Variants in NPAS2 observed in about 807,000 individuals in gnomAD.
The protein encoded by NPAS2 is neuronal PAS domain-containing protein 2.
A neutral mutation model predicts 107.5 loss-of-function variants in NPAS2; 23 were observed. The observed-to-expected ratio is 0.21, with a 90% CI of 0.15 to 0.30. NPAS2 has a LOEUF of 0.30. Ranked by LOEUF, NPAS2 falls within the 10% of genes least tolerant of loss-of-function variation. NPAS2 has a pLI of 1.00. For missense variants in NPAS2, 756 were observed against 1,043.3 expected (o/e 0.72, Z 3.79); for synonymous variants, 403 against 417.5 (o/e 0.97, Z 0.42).
chr2:100,982,676 A>G (rs1677525918), intron 16 of NPAS2: 2 of 418,108 alleles, frequency 4.8e-6, no homozygotes, highest in Admixed American at 8.0e-5. Flanking sequence ...ATTGCCCTGC[A>G]TGGATGCCTG....
chr2:100,984,010 T>C (rs551946337), intron 16 of NPAS2: 1 of 152,370 alleles, frequency 6.6e-6, no homozygotes, highest in East Asian at 1.9e-4. Context: ...AGCAAGGTTA[T>C]CGCTTTCACT....
intron 5 of NPAS2, among the ~76,000 whole-genome samples, 163 bp downstream of exon 5, chr2:100,938,005 G>T (rs1305412931): frequency 2.6e-5 from 4 of 152,342 alleles, no homozygotes; most frequent in Admixed American, 2.6e-4. Context: ...CCAGGCCGAG[G>T]TCAAGGTCCC....
chr2:100,939,319 T>C (rs1433431920), intron 5 of NPAS2, among the ~76,000 whole-genome samples: 4 of 152,086 alleles, frequency 2.6e-5, no homozygotes, highest in South Asian at 4.1e-4. Context: ...TGTCTCCCCT[T>C]TGTGTTCCAG....
intron 1 of NPAS2, among the ~76,000 whole-genome samples, chr2:100,863,045 G>A (rs959143187): frequency 3.3e-5 from 5 of 152,194 alleles, no homozygotes; most frequent in African/African-American, 9.7e-5. Flanking sequence ...GCCTTAGCCC[G>A]TGCACAGCAG....
intron 2 of NPAS2, among the ~76,000 whole-genome samples, chr2:100,919,713 T>A (rs1573621024): frequency 6.6e-6 from 1 of 152,182 alleles, no homozygotes; most frequent in African/African-American, 2.4e-5. Context: ...CTCCCCACCC[T>A]ATCCTTTCCT....
intron 1 of NPAS2, among the ~76,000 whole-genome samples, chr2:100,891,925 T>C (rs1681094885): frequency 6.6e-6 from 1 of 152,226 alleles, no homozygotes; most frequent in East Asian, 1.9e-4. Context: ...TCATTTCGGC[T>C]TGTCTGTGGC....
At position 100,824,336 on chromosome 2, in the gene NPAS2, T is replaced by C. The variant is rs75656425; in HGVS notation, c.-23+3922T>C. Among the ~76,000 whole-genome samples the C allele has an allele frequency of 9.8e-3, 1,499 of 152,328 alleles. 57 individuals are homozygous for C. In the East Asian group the frequency reaches 0.13, roughly 13 times the overall value. On this transcript the variant is annotated intron_variant, in intron 1 of 20. Coordinates refer to ENST00000335681, the MANE Select transcript of NPAS2 (RefSeq NM_002518.4). Reference sequence around the variant, plus strand: ...TCCACCCTCTCCTGCAGTCCCTGGCTTCTGGTTTGCTTTGTTGATAGCCCT... The same window carrying C: ...TCCACCCTCTCCTGCAGTCCCTGGCCTCTGGTTTGCTTTGTTGATAGCCCT...
At chr2:100,856,875 A>G (rs1678605475) in intron 1 of NPAS2, among the ~76,000 whole-genome samples, 1 of 152,234 alleles carries the variant, frequency 6.6e-6, no homozygotes, top group African/African-American at 2.4e-5. Flanking sequence ...TAAAAATTTC[A>G]GAGCAGGTAG....
At chr2:100,927,584 G>A (rs1201343100) in intron 3 of NPAS2, among the ~76,000 whole-genome samples, 2 of 152,240 alleles carry the variant, frequency 1.3e-5, no homozygotes, top group African/African-American at 4.8e-5. Context: ...GCTTTTGCCT[G>A]TTGGAACCTT....
intron 15 of NPAS2, among the ~76,000 whole-genome samples, chr2:100,978,526 AAAAG>A (rs137857480): frequency 0.25 from 37,725 of 151,508 alleles, 5,296 homozygotes; most frequent in African/African-American, 0.38. Context: ...TGTTTAAAAA[AAAAG>A]AAAGAAAGAA....
intron 1 of NPAS2, among the ~76,000 whole-genome samples, chr2:100,858,559 G>T (rs1444757686): frequency 6.6e-6 from 1 of 152,164 alleles, no homozygotes; most frequent in East Asian, 1.9e-4. Context: ...ATGTGGTGGG[G>T]CTGGAAGAGT....
At chr2:100,940,064 A>T (rs1420123870) in intron 5 of NPAS2, among the ~76,000 whole-genome samples, 1 of 152,220 alleles carries the variant, frequency 6.6e-6, no homozygotes, top group Non-Finnish European at 1.5e-5. Context: ...AGCTTTCATT[A>T]TCCAGTTTTC....
intron 7 of NPAS2, among the ~76,000 whole-genome samples, chr2:100,952,456 C>T (rs998177042): frequency 3.3e-5 from 5 of 150,320 alleles, no homozygotes; most frequent in Non-Finnish European, 7.4e-5. Context: ...CCCAGCTACT[C>T]GGGAGGCTGA....
intron 10 of NPAS2, among the ~76,000 whole-genome samples, chr2:100,966,944 C>T (rs1458934470): frequency 6.6e-6 from 1 of 152,116 alleles, no homozygotes; most frequent in Non-Finnish European, 1.5e-5. Flanking sequence ...GCTTGAGTTC[C>T]ATCTGGATCG....
chr2:100,948,965 A>G (rs1675063116), intron 6 of NPAS2, among the ~76,000 whole-genome samples: 1 of 152,190 alleles, frequency 6.6e-6, no homozygotes, highest in Admixed American at 6.5e-5. Context: ...GCCTGTGTCC[A>G]TTTTCCATGA....
At chr2:100,908,136 A>G (rs1000768083) in intron 2 of NPAS2, among the ~76,000 whole-genome samples, 1 of 152,136 alleles carries the variant, frequency 6.6e-6, no homozygotes, top group African/African-American at 2.4e-5. Context: ...ATTCTTGCCA[A>G]TGTTTACTGT....
intron 16 of NPAS2, 123 bp downstream of exon 16, chr2:100,982,500 C>A: frequency 1.7e-6 from 2 of 1,144,166 alleles, no homozygotes; most frequent in Non-Finnish European, 2.4e-6. Context: ...GCCCCATTTG[C>A]TTATGAAAGC....
intron 2 of NPAS2, among the ~76,000 whole-genome samples, chr2:100,912,239 TATTTATTTATTTATTTATTA>T (rs1234046313): frequency 9.2e-6 from 1 of 108,236 alleles, no homozygotes; most frequent in Non-Finnish European, 1.8e-5. Context: ...TTTATTTATT[TATTTATTTATTTATTTATTA>T]TTATTATTTT....
rs1357625182 is a variant in NPAS2, at chr2:100,824,710, T to C, written c.-23+4296T>C. On this transcript the variant is annotated intron_variant, in intron 1 of 20. Transcript: ENST00000335681. Reference sequence around the variant, plus strand: ...TCCTTCACCCTGATATTAGGAGGGGTCACCTGGGTGGCCCTGAAAACACTT... The same window carrying C: ...TCCTTCACCCTGATATTAGGAGGGGCCACCTGGGTGGCCCTGAAAACACTT... Among the ~76,000 whole-genome samples the C allele has an allele frequency of 2.6e-5, 4 of 152,228 alleles. No individual in the cohort carries two copies. The East Asian group carries it at 7.7e-4, about 29-fold the overall frequency.
Sources: allele counts gnomAD v4.1 joint callset (sites outside exome capture counted in the v4.1 genomes callset), GRCh38; gene constraint gnomAD v4.1.1; transcripts MANE v1.5; gene names NCBI Gene and HGNC (gene_info 2026-07-23, HGNC 2026-07-21).